The following PCDH15 variants were observed in gnomAD, a reference collection of about 807,000 sequenced individuals.
The protein encoded by PCDH15 is protocadherin-15.
In PCDH15, 129 loss-of-function variants were observed where a neutral mutation model predicts 178.5. The observed-to-expected ratio is 0.72, with a 90% CI of 0.63 to 0.84. The LOEUF is 0.84. PCDH15 is among the 40% of genes least tolerant of loss of function. The probability of loss-of-function intolerance (pLI) is 0.00; values close to 1 mark genes in which losing one functional copy is unlikely to be tolerated. For missense variants in PCDH15, 2,230 were observed against 2,099.9 expected (o/e 1.06, Z -1.21); for synonymous variants, 800 against 732.0 (o/e 1.09, Z -1.50).
intron 20 of PCDH15, among the ~76,000 whole-genome samples, chr10:54,010,018 G>A (rs977046222): frequency 6.6e-6 from 1 of 152,148 alleles, no homozygotes; most frequent in African/African-American, 2.4e-5. Flanking sequence ...AACATTGCAG[G>A]CCTCATCTCA....
At chr10:54,063,001 C>T (rs900649949) in intron 18 of PCDH15, among the ~76,000 whole-genome samples, 2 of 152,102 alleles carry the variant, frequency 1.3e-5, no homozygotes, top group African/African-American at 2.4e-5. Context: ...CAGTTTTCAG[C>T]AATGTGGCAT....
intron 10 of PCDH15, among the ~76,000 whole-genome samples, chr10:54,203,574 A>G (rs774287828): frequency 8.5e-5 from 13 of 152,322 alleles, no homozygotes; most frequent in Non-Finnish European, 1.9e-4. Flanking sequence ...CCCGGAAGGC[A>G]GATAATGACA....
At chr10:55,132,225 A>G (rs1564823921) in intron 2 of PCDH15, among the ~76,000 whole-genome samples, 1 of 152,160 alleles carries the variant, frequency 6.6e-6, no homozygotes, top group Non-Finnish European at 1.5e-5. Context: ...AACTTCTTAT[A>G]CTTATTTGTT....
At chr10:54,180,478 TA>T (rs2047884860) in intron 13 of PCDH15, among the ~76,000 whole-genome samples, 1 of 152,214 alleles carries the variant, frequency 6.6e-6, no homozygotes, top group Non-Finnish European at 1.5e-5. Flanking sequence ...CTCTTTCCTT[TA>T]AAGTGCTCAT....
At chr10:55,141,398 T>C (rs964130034) in intron 2 of PCDH15, among the ~76,000 whole-genome samples, 7 of 152,102 alleles carry the variant, frequency 4.6e-5, no homozygotes, top group Non-Finnish European at 1.0e-4. Flanking sequence ...AAGGGATATA[T>C]AGCCATTCTC....
At chr10:54,940,450 A>G (rs1838033000) in intron 2 of PCDH15, among the ~76,000 whole-genome samples, 1 of 152,198 alleles carries the variant, frequency 6.6e-6, no homozygotes, top group Admixed American at 6.5e-5. Flanking sequence ...GGCCTACAAT[A>G]TGATCCTTGA....
intron 25 of PCDH15, among the ~76,000 whole-genome samples, chr10:53,927,335 A>G (rs972070826): frequency 4.6e-5 from 7 of 152,286 alleles, no homozygotes; most frequent in African/African-American, 1.4e-4. Flanking sequence ...ACCTTGGAAT[A>G]CACTAAATTC....
At chr10:54,544,779 C>A (rs980015192) in intron 2 of PCDH15, among the ~76,000 whole-genome samples, 1 of 152,042 alleles carries the variant, frequency 6.6e-6, no homozygotes, top group Non-Finnish European at 1.5e-5. Flanking sequence ...GGTAAAACTA[C>A]TAAGAGTGGA....
At chr10:54,322,303 G>A (rs1249552916) in intron 7 of PCDH15, among the ~76,000 whole-genome samples, 1 of 151,684 alleles carries the variant, frequency 6.6e-6, no homozygotes, top group Non-Finnish European at 1.5e-5. Context: ...AATCCACAAA[G>A]AAGATCTCCT....
chr10:54,582,498 T>C (rs2133809792), intron 2 of PCDH15, among the ~76,000 whole-genome samples: 2 of 152,280 alleles, frequency 1.3e-5, no homozygotes, highest in East Asian at 3.9e-4. Context: ...CATACTCTTT[T>C]ATCATGTATT....
intron 2 of PCDH15, among the ~76,000 whole-genome samples, chr10:54,545,295 G>C (rs569029320): frequency 6.6e-6 from 1 of 152,022 alleles, no homozygotes; most frequent in Non-Finnish European, 1.5e-5. Flanking sequence ...GTTAATGATG[G>C]TAACTCATCA....
chr10:54,577,551 C>G (rs2090611144), intron 2 of PCDH15, among the ~76,000 whole-genome samples: 1 of 151,824 alleles, frequency 6.6e-6, no homozygotes, highest in South Asian at 2.1e-4. Flanking sequence ...AAAAATAAGT[C>G]AAGATTAATT....
intron 1 of PCDH15, among the ~76,000 whole-genome samples, chr10:54,782,896 T>C (rs923403834): frequency 6.6e-6 from 1 of 152,040 alleles, no homozygotes; most frequent in African/African-American, 2.4e-5. Flanking sequence ...AGAAATCACA[T>C]GGAGACTATA....
intron 27 of PCDH15, among the ~76,000 whole-genome samples, chr10:53,861,556 C>T (rs1348193207): frequency 1.7e-4 from 26 of 151,914 alleles, no homozygotes; most frequent in Non-Finnish European, 1.5e-4. Context: ...ATGTGAGCCA[C>T]GAATACAAAT....
At chr10:54,736,468 A>G (rs1405595118) in intron 1 of PCDH15, among the ~76,000 whole-genome samples, 1 of 152,018 alleles carries the variant, frequency 6.6e-6, no homozygotes, top group African/African-American at 2.4e-5. Flanking sequence ...TGGTCATGCT[A>G]TGACCATCAC....
chr10:55,399,138 A>G (rs1263783472), intron 2 of PCDH15, among the ~76,000 whole-genome samples: 1 of 152,148 alleles, frequency 6.6e-6, no homozygotes. Context: ...TTTGTTCAAA[A>G]ATATCATTCT....
chr10:54,191,365 C>G (rs1464503785), intron 11 of PCDH15, among the ~76,000 whole-genome samples: 2 of 152,112 alleles, frequency 1.3e-5, no homozygotes, highest in African/African-American at 4.8e-5. Flanking sequence ...GAGGTGAGCT[C>G]TAAACACTGA....
intron 5 of PCDH15, among the ~76,000 whole-genome samples, chr10:54,365,780 T>C (rs1946700360): frequency 6.6e-6 from 1 of 152,138 alleles, no homozygotes; most frequent in African/African-American, 2.4e-5. Context: ...GAGAGAAAAC[T>C]ACTTCAATGT....
chr10:55,326,183 G>C (rs2440731), intron 2 of PCDH15, among the ~76,000 whole-genome samples: 28,231 of 152,046 alleles, frequency 0.19, 2,783 homozygotes, highest in Middle Eastern at 0.22. Flanking sequence ...GACAATTTCT[G>C]AAAGGACTCA....
Sources: allele counts gnomAD v4.1 joint callset (sites outside exome capture counted in the v4.1 genomes callset), GRCh38; gene constraint gnomAD v4.1.1; transcripts MANE v1.5; gene names NCBI Gene and HGNC (gene_info 2026-07-23, HGNC 2026-07-21).